The following CELF2 variants were observed in gnomAD, a reference collection of about 807,000 sequenced individuals.
The protein encoded by CELF2 is CUG triplet repeat RNA-binding protein 2.
Under a neutral mutation model 62.6 loss-of-function variants are expected in CELF2, and 8 were observed. The observed-to-expected ratio is 0.13, with a 90% CI of 0.07 to 0.23. CELF2 has a LOEUF of 0.23. Ranked by LOEUF, CELF2 falls within the 10% of genes least tolerant of loss-of-function variation. The probability of loss-of-function intolerance (pLI) is 1.00; values close to 1 mark genes in which losing one functional copy is unlikely to be tolerated. For synonymous variants in CELF2, 258 were observed against 250.0 expected (o/e 1.03, Z -0.30); for missense variants, 333 against 671.0 (o/e 0.50, Z 5.56).
At chr10:11,245,859 C>A (rs1255464241) in intron 3 of CELF2, among the ~76,000 whole-genome samples, 11 of 152,130 alleles carry the variant, frequency 7.2e-5, no homozygotes, top group Admixed American at 5.2e-4. Context: ...GCTCATATGG[C>A]CAAGTCCCAC....
At chr10:10,573,998 G>A in the CELF2 span, among the ~76,000 whole-genome samples, 37,837 of 152,062 alleles carry the variant, frequency 0.25, 4,879 homozygotes, top group African/African-American at 0.3. Context: ...CATGTTCATA[G>A]TCAAGAAGGA....
chr10:11,209,490 A>G (rs1222170836), intron 2 of CELF2, among the ~76,000 whole-genome samples: 1 of 151,608 alleles, frequency 6.6e-6, no homozygotes, highest in East Asian at 1.9e-4. Flanking sequence ...ACTTTCTAAG[A>G]ATGTCATTTT....
intron 2 of CELF2, among the ~76,000 whole-genome samples, chr10:11,212,737 GTTTTT>G (rs11354880): frequency 5.4e-5 from 5 of 91,956 alleles, no homozygotes; most frequent in Non-Finnish European, 1.1e-4. Flanking sequence ...TGTGTTTTGG[GTTTTT>G]TTTTTTTTTT....
chr10:10,990,970 T>C lies in CELF2; in HGVS notation c.89+70971T>C, dbSNP rs1253307651. ...AGCATCTTTTTGAGGTTCTTTTGCG[T>C]GTGTGTGTGTGTGTGTGTGCCCACA... On this transcript the variant is annotated intron_variant, in intron 2 of 13. Coordinates refer to the CELF2 transcript ENST00000636488. This position sits in a 1 kb window ranked among gnomAD's most constrained non-coding sequence, Gnocchi z 4.6. 6.7e-6 allele frequency among the ~76,000 whole-genome samples: 1 copy of C among 149,454 alleles called. No individual in the cohort carries two copies. Among genetic ancestry groups the C allele is most frequent in the Non-Finnish European group, 1.5e-5 (1 of 67,166 alleles).
At chr10:11,082,811 C>T (rs757906679) in intron 1 of CELF2, among the ~76,000 whole-genome samples, 5 of 152,158 alleles carry the variant, frequency 3.3e-5, no homozygotes, top group Non-Finnish European at 2.9e-5. Flanking sequence ...AATCTATTGA[C>T]TTCAAGATAC....
intron 1 of CELF2, among the ~76,000 whole-genome samples, chr10:10,827,832 A>T (rs184457907): frequency 1.3e-5 from 2 of 152,168 alleles, no homozygotes; most frequent in Non-Finnish European, 2.9e-5. Flanking sequence ...AAAGAATGCA[A>T]ATCTTGAGTG....
At chr10:10,881,537 T>A (rs548573192) in intron 1 of CELF2, among the ~76,000 whole-genome samples, 1 of 152,336 alleles carries the variant, frequency 6.6e-6, no homozygotes, top group African/African-American at 2.4e-5. Context: ...CCTCCAGATT[T>A]AGCATCCTGA....
At chr10:10,602,945 G>T in the CELF2 span, among the ~76,000 whole-genome samples, 1 of 152,066 alleles carries the variant, frequency 6.6e-6, no homozygotes, top group Non-Finnish European at 1.5e-5. Context: ...ATTTGGAGTT[G>T]TCTCTAAAAC....
At chr10:11,186,557 C>G (rs2074988265) in intron 2 of CELF2, among the ~76,000 whole-genome samples, 5 of 152,082 alleles carry the variant, frequency 3.3e-5, no homozygotes. Context: ...TTCCTAATTT[C>G]TCTTTTGATT....
At chr10:10,691,857 T>C in the CELF2 span, among the ~76,000 whole-genome samples, 78 of 149,264 alleles carry the variant, frequency 5.2e-4, 1 homozygote, top group East Asian at 0.01. Context: ...TGGGGTTGTT[T>C]GTTTTTTTCT....
At chr10:10,803,516 T>TTAG (rs1218714453) in intron 1 of CELF2, among the ~76,000 whole-genome samples, 1 of 152,224 alleles carries the variant, frequency 6.6e-6, no homozygotes, top group Non-Finnish European at 1.5e-5. Context: ...CATTCAAGCC[T>TTAG]TAGCTCCCAT....
intron 1 of CELF2, among the ~76,000 whole-genome samples, chr10:10,902,453 G>A (rs1365724477): frequency 1.3e-5 from 2 of 152,200 alleles, no homozygotes; most frequent in Non-Finnish European, 2.9e-5. Flanking sequence ...CACCATGCGT[G>A]AATCCTGAAA....
chr10:10,578,079 G>A, the CELF2 span, among the ~76,000 whole-genome samples: 1 of 152,170 alleles, frequency 6.6e-6, no homozygotes, highest in Non-Finnish European at 1.5e-5. Context: ...GTATCTCATT[G>A]TGGTTTTGAT....
upstream of CELF2, among the ~76,000 whole-genome samples, chr10:11,004,473 A>G (rs545319936): frequency 2.6e-5 from 4 of 152,020 alleles, no homozygotes; most frequent in Non-Finnish European, 5.9e-5. The surrounding 1 kb of genome is among the most constrained non-coding windows in gnomAD (Gnocchi z 5.0). Flanking sequence ...TAATCTGCGT[A>G]GAATTTTTCT....
intron 1 of CELF2, among the ~76,000 whole-genome samples, chr10:11,078,672 A>G (rs2072930473): frequency 6.6e-6 from 1 of 152,238 alleles, no homozygotes; most frequent in Non-Finnish European, 1.5e-5. Context: ...ATTATGTCAG[A>G]TTAGAAAAGA....
At position 11,280,756 on chromosome 10, in the gene CELF2, T is replaced by C. The variant is rs1307823314; in HGVS notation, c.841+5636T>C. On this transcript the variant is annotated intron_variant, in intron 8 of 12. Coordinates refer to ENST00000633077, the MANE Select transcript of CELF2 (RefSeq NM_001326342.2). This position sits in a 1 kb window ranked among gnomAD's most constrained non-coding sequence, Gnocchi z 7.6. ...CTGAGTGGACAGAGGCCGCTCTGGG[T>C]GGGGGAAACGGTGCCCTCACTGCCC... is the stretch of plus-strand genomic sequence containing the variant. Among the ~76,000 whole-genome samples, 1 of 151,716 alleles carries C rather than the reference T, an allele frequency of 6.6e-6. No individual in the cohort carries two copies. Among genetic ancestry groups the C allele is most frequent in the African/African-American group, 2.4e-5 (1 of 41,266 alleles).
intron 1 of CELF2, among the ~76,000 whole-genome samples, chr10:11,049,990 A>C (rs918136442): frequency 1.3e-5 from 2 of 152,186 alleles, no homozygotes; most frequent in African/African-American, 4.8e-5. Flanking sequence ...TGCTGGTTCC[A>C]CATGCCACCT....
chr10:10,983,214 T>C lies in CELF2; in HGVS notation c.89+63215T>C, dbSNP rs1291720631. ...GATGAAAATATTAGATAAAAAGTGA[T>C]ACATCTGAATTATGTATTTTAAACA... On this transcript the variant is annotated intron_variant, in intron 2 of 13. Transcript: ENST00000636488. This position sits in a 1 kb window ranked among gnomAD's most constrained non-coding sequence, Gnocchi z 5.2. 2.6e-5 allele frequency among the ~76,000 whole-genome samples: 4 copies of C among 152,196 alleles called. No homozygotes were observed. Among genetic ancestry groups the C allele is most frequent in the Non-Finnish European group, 5.9e-5 (4 of 68,034 alleles).
Position 11,285,385 on chromosome 10 carries a change from C to G in CELF2, c.842-3033C>G, listed in dbSNP as rs909340888. On this transcript the variant is annotated intron_variant, in intron 8 of 12. Coordinates refer to ENST00000633077, the MANE Select transcript of CELF2 (RefSeq NM_001326342.2). The surrounding 1 kb of genome is among the most constrained non-coding windows in gnomAD (Gnocchi z 4.3). ...TGGTGCCTCAGAGACTCAGCCACTC[C>G]CCCTGGACTTTCCAGGCGGCAGCAG... Among the ~76,000 whole-genome samples the G allele has an allele frequency of 1.3e-5, 2 of 152,096 alleles. No individual in the cohort carries two copies. The highest frequency in any genetic ancestry group is 2.9e-5 in the Non-Finnish European group (2 of 68,008).
Sources: allele counts gnomAD v4.1 joint callset (sites outside exome capture counted in the v4.1 genomes callset), GRCh38; gene constraint gnomAD v4.1.1; non-coding constraint Gnocchi (gnomAD v3.1); transcripts MANE v1.5; gene names NCBI Gene and HGNC (gene_info 2026-07-23, HGNC 2026-07-21).